Variants in MDN1 observed in about 807,000 individuals in gnomAD.
MDN1 encodes the protein midasin AAA ATPase 1.
In MDN1, 266 loss-of-function variants were observed where a neutral mutation model predicts 669.2. That is an observed-to-expected ratio of 0.40 (90% confidence interval 0.36 to 0.44). MDN1 has a LOEUF of 0.44. MDN1 is among the 20% of genes least tolerant of loss of function. MDN1 has a pLI of 1.00. For missense variants in MDN1, 5,940 were observed against 6,754.0 expected (o/e 0.88, Z 4.22); for synonymous variants, 2,385 against 2,457.1 (o/e 0.97, Z 0.87).
chr6:89,759,295 AG>A (rs1411802550), intron 17 of MDN1, among the ~76,000 whole-genome samples: 1 of 152,214 alleles, frequency 6.6e-6, no homozygotes, highest in African/African-American at 2.4e-5. Context: ...ATATAGGGTC[AG>A]GCTATACCAA....
intron 86 of MDN1, 145 bp from the exon 87 acceptor site, chr6:89,662,384 AAACAGTGCAGGTCTCCATG>A: frequency 1.3e-6 from 1 of 770,162 alleles, no homozygotes; most frequent in African/African-American, 1.8e-5. Context: ...GACCTAGAGA[AAACAGTGCAGGTCTCCATG>A]ACAGCAGCAA....
intron 35 of MDN1, 116 bp from the exon 36 acceptor site, chr6:89,729,255 T>G (rs933034908): frequency 6.5e-6 from 5 of 770,284 alleles, no homozygotes; most frequent in Non-Finnish European, 6.2e-6. Context: ...GAAATACCAT[T>G]TGCAGTGAAA....
intron 26 of MDN1, among the ~76,000 whole-genome samples, chr6:89,747,752 G>A (rs1449731088): frequency 1.3e-5 from 2 of 150,842 alleles, no homozygotes; most frequent in Admixed American, 6.6e-5. Flanking sequence ...TTAGCCGGGC[G>A]TGGTGGCGGG....
chr6:89,679,832 G>C (rs929349037), intron 74 of MDN1, among the ~76,000 whole-genome samples: 1 of 152,248 alleles, frequency 6.6e-6, no homozygotes, highest in Non-Finnish European at 1.5e-5. Flanking sequence ...GGGAGAGTTA[G>C]AGGATGAGGG....
At position 89,673,254 on chromosome 6, in the gene MDN1, T is replaced by G. The variant is rs1257821361; in HGVS notation, c.13456A>C (p.Thr4486Pro). The change falls in exon 80 of 102, where the codon ACT becomes CCT. Residue 4486 changes from threonine to proline, a missense_variant. Thr to Pro is a conservative substitution (Grantham distance 38). This residue lies in a region of MDN1 where 2,280 missense variants were observed against 2,576.3 expected (regional missense o/e 0.88). Transcript: ENST00000369393. ...DFTTWKTHLL[T>P]SDSQGGNQML... is the part of the protein sequence containing the mutation. ...TCCTTACCTCCTTGGCTATCTGAAG[T>G]AAGCAGATGGGTCTTCCAGGTAGTA... 2 of 1,614,000 alleles carry G rather than the reference T, an allele frequency of 1.2e-6. No homozygotes were observed. Among genetic ancestry groups the G allele is most frequent in the Non-Finnish European group, 1.7e-6 (2 of 1,179,808 alleles).
rs759660832 is a variant in MDN1 at position 89,718,462 on chromosome 6, C to CGTA, written c.6486_6487insTAC (p.Gly2162_Gly2163insTyr). ...ACAATCTCCATCGTGATAGCTTTAC[C>CGTA]ACCTTCTCCAAGACACTTAGGCTTA... On this transcript the variant is annotated inframe_insertion, in exon 43 of 102. Coordinates refer to ENST00000369393, the MANE Select transcript of MDN1 (RefSeq NM_014611.3). The CGTA allele has an allele frequency of 1.3e-5, 21 of 1,613,976 alleles. No individual in the cohort carries two copies. In the African/African-American group the frequency reaches 2.5e-4, roughly 19 times the overall value.
chr6:89,651,564 C>T (rs557840651), intron 95 of MDN1, among the ~76,000 whole-genome samples: 2 of 152,016 alleles, frequency 1.3e-5, no homozygotes, highest in South Asian at 2.1e-4. Flanking sequence ...TGCAGTGAGC[C>T]GAGATTGCGC....
intron 59 of MDN1, among the ~76,000 whole-genome samples, chr6:89,697,514 A>G (rs1812846281): frequency 6.6e-6 from 1 of 152,154 alleles, no homozygotes; most frequent in South Asian, 2.1e-4. Flanking sequence ...TCCAACTCAT[A>G]TTGGGCAAAG....
chr6:89,777,289 A>G (rs62415984), intron 11 of MDN1, among the ~76,000 whole-genome samples: 1 of 152,208 alleles, frequency 6.6e-6, no homozygotes, highest in Non-Finnish European at 1.5e-5. Flanking sequence ...AAACAATGTA[A>G]AGGACACCAT....
At chr6:89,782,426 T>C (rs1818721017) in intron 9 of MDN1, among the ~76,000 whole-genome samples, 1 of 151,850 alleles carries the variant, frequency 6.6e-6, no homozygotes, top group Admixed American at 6.6e-5. Flanking sequence ...TGAAAACCTG[T>C]CTCTACAAAA....
chr6:89,675,650 G>T, intron 77 of MDN1, 71 bp from the exon 78 acceptor site: 1 of 1,329,036 alleles, frequency 7.5e-7, no homozygotes, highest in Non-Finnish European at 1.1e-6. Context: ...CCTCTAGAAA[G>T]CTGTTTCTAC....
At chr6:89,768,123 A>C (rs959495403) in intron 15 of MDN1, among the ~76,000 whole-genome samples, 1 of 152,154 alleles carries the variant, frequency 6.6e-6, no homozygotes, top group Admixed American at 6.5e-5. Context: ...TAATCCCAGC[A>C]CTTTGGGAGG....
At position 89,771,549 on chromosome 6, in the gene MDN1, A is replaced by G; in HGVS notation, c.2144+12T>C. On this transcript the variant is annotated intron_variant, in intron 15 of 101. Coordinates refer to ENST00000369393, the MANE Select transcript of MDN1 (RefSeq NM_014611.3). ...ACACAAAAATAAGAAAAAAATTTTA[A>G]GCCACACTTACCCTCCAAGCAAGTC... The G allele has an allele frequency of 1.2e-6, 2 of 1,607,236 alleles. No homozygotes were observed. The highest frequency in any genetic ancestry group is 1.7e-6 in the Non-Finnish European group (2 of 1,176,212).
rs1818764639 is a variant in MDN1 at position 89,783,088 on chromosome 6, C to T, written c.1450-1496G>A. Among the ~76,000 whole-genome samples, 4 of 152,016 alleles carry T rather than the reference C, an allele frequency of 2.6e-5. No individual in the cohort carries two copies. The South Asian group carries it at 8.3e-4, about 32-fold the overall frequency. On this transcript the variant is annotated intron_variant, in intron 9 of 101. Transcript: ENST00000369393. ...TGCACCTTGAAAAAGAACAGAATAA[C>T]AGCGATTTTTAGGGAACAAGGACAG...
At chr6:89,812,691 C>T (rs1333656991) in intron 1 of MDN1, among the ~76,000 whole-genome samples, 1 of 151,960 alleles carries the variant, frequency 6.6e-6, no homozygotes, top group Non-Finnish European at 1.5e-5. Context: ...TAGCCCTTCT[C>T]AAAGCAGAGT....
Position 89,747,405 on chromosome 6 carries a change from G to T in MDN1, c.3828C>A (p.Phe1276Leu), listed in dbSNP as rs780961950. The change falls in exon 27 of 102, where the codon TTC becomes TTA. Residue 1276 changes from phenylalanine to leucine, a missense_variant. Phe to Leu is a conservative substitution (Grantham distance 22). Transcript: ENST00000369393. ...KQGFITLRDLFRWAERYRLAE... is the reference protein window; with the variant it reads ...KQGFITLRDLLRWAERYRLAE... ...CCAATCTGTATCTTTCAGCCCATCG[G>T]AACAGATCACGAAGGGTGATGAAGC... is the stretch of plus-strand genomic sequence containing the variant. 1.2e-6 allele frequency: 2 copies of T among 1,613,970 alleles called. No homozygotes were observed.
intron 98 of MDN1, 49 bp from the exon 99 acceptor site, chr6:89,648,195 G>A: frequency 1.9e-6 from 3 of 1,606,934 alleles, no homozygotes; most frequent in Non-Finnish European, 2.6e-6. Context: ...TTGGCTGTGT[G>A]ATCAAAATAA....
At chr6:89,782,800 A>G (rs1211867084) in intron 9 of MDN1, among the ~76,000 whole-genome samples, 1 of 152,014 alleles carries the variant, frequency 6.6e-6, no homozygotes, top group Non-Finnish European at 1.5e-5. Flanking sequence ...TTAGCTGGGC[A>G]TGGTGGCATG....
chr6:89,734,799 A>G (rs546474433), intron 33 of MDN1, among the ~76,000 whole-genome samples: 1 of 151,792 alleles, frequency 6.6e-6, no homozygotes, highest in South Asian at 2.1e-4. Context: ...CTTTCTGGAG[A>G]GCAATCTGAC....
Sources: gnomAD v4.1 joint callset for allele counts (sites outside exome capture counted in the v4.1 genomes callset) on GRCh38, gnomAD v4.1.1 for gene constraint, gnomAD v4.1.1 regional missense constraint, MANE v1.5 for transcripts, NCBI Gene and HGNC (gene_info 2026-07-23, HGNC 2026-07-21) for gene names.